C8orf34: variants seen among roughly 807,000 people sequenced by gnomAD.
C8orf34 encodes uncharacterized protein C8orf34.
C8orf34 carries 65 observed loss-of-function variants against 68.3 expected under a neutral mutation model. The ratio of observed to expected loss-of-function variants is 0.95; its 90% CI spans 0.78 to 1.17. The LOEUF (loss-of-function observed/expected upper bound fraction) is 1.17, where lower values mean the gene tolerates loss of function less well. C8orf34 is among the 50% of genes most tolerant of loss of function. The probability of loss-of-function intolerance (pLI) is 0.00; values close to 1 mark genes in which losing one functional copy is unlikely to be tolerated. For synonymous variants in C8orf34, 244 were observed against 241.2 expected (o/e 1.01, Z -0.11); for missense variants, 664 against 655.4 (o/e 1.01, Z -0.14).
intron 10 of C8orf34, among the ~76,000 whole-genome samples, chr8:68,724,759 T>G (rs1821778657): frequency 6.6e-6 from 1 of 152,240 alleles, no homozygotes; most frequent in South Asian, 2.1e-4. Flanking sequence ...CAGGTATTGA[T>G]TATGACCTCT....
intron 1 of C8orf34, among the ~76,000 whole-genome samples, chr8:68,373,904 C>A (rs990236242): frequency 3.9e-5 from 6 of 152,006 alleles, no homozygotes; most frequent in African/African-American, 1.4e-4. Flanking sequence ...TAGTTCTTTC[C>A]TTTCTTATGT....
intron 8 of C8orf34, among the ~76,000 whole-genome samples, chr8:68,667,445 T>G (rs1360748727): frequency 6.6e-6 from 1 of 152,206 alleles, no homozygotes; most frequent in African/African-American, 2.4e-5. Flanking sequence ...CAGATTGTTT[T>G]TCACTTCTGT....
intron 6 of C8orf34, among the ~76,000 whole-genome samples, chr8:68,529,083 T>A (rs1425416732): frequency 6.6e-6 from 1 of 152,212 alleles, no homozygotes; most frequent in African/African-American, 2.4e-5. Context: ...GAAAGTACGA[T>A]GGAACTTCTC....
intron 1 of C8orf34, among the ~76,000 whole-genome samples, chr8:68,353,446 T>G (rs1806604333): frequency 6.6e-6 from 1 of 151,616 alleles, no homozygotes; most frequent in Non-Finnish European, 1.5e-5. Flanking sequence ...CATTATTATT[T>G]ATATATTTTT....
At chr8:68,393,921 G>A (rs1586044651) in intron 1 of C8orf34, among the ~76,000 whole-genome samples, 1 of 152,026 alleles carries the variant, frequency 6.6e-6, no homozygotes, top group East Asian at 1.9e-4. Flanking sequence ...AGATGATGGT[G>A]GCTGAGACCA....
intron 6 of C8orf34, 107 bp downstream of exon 6, chr8:68,522,078 A>G: frequency 1.0e-6 from 1 of 1,003,350 alleles, no homozygotes; most frequent in Non-Finnish European, 1.4e-6. Context: ...GTAATTTTTT[A>G]TAGAAAATTA....
intron 11 of C8orf34, among the ~76,000 whole-genome samples, chr8:68,782,672 C>T (rs200612943): frequency 6.6e-6 from 1 of 152,160 alleles, no homozygotes; most frequent in East Asian, 1.9e-4. Context: ...CCCATCTCTC[C>T]TATGATAGGA....
rs138708726 is a variant in C8orf34 at position 68,412,101 on chromosome 8, T to C, written c.328-27398T>C. On this transcript the variant is annotated intron_variant, in intron 1 of 13. Coordinates refer to ENST00000518698, the MANE Select transcript of C8orf34 (RefSeq NM_052958.4). ...CCAGACACTGAACTTGCTGGCGCCT[T>C]GATCTTGGACTTCTCAGCCTCCAGA... 5.5e-3 allele frequency among the ~76,000 whole-genome samples: 831 copies of C among 152,286 alleles called. 7 individuals are homozygous for C. Among genetic ancestry groups the C allele is most frequent in the African/African-American group, 0.018 (734 of 41,564 alleles).
chr8:68,417,314 T>C (rs1809715480), intron 1 of C8orf34, among the ~76,000 whole-genome samples: 1 of 152,116 alleles, frequency 6.6e-6, no homozygotes, highest in Non-Finnish European at 1.5e-5. Flanking sequence ...ATTCTACAAA[T>C]ATATTGGCAC....
chr8:68,626,437 A>T (rs1818540412), intron 7 of C8orf34, among the ~76,000 whole-genome samples: 2 of 152,220 alleles, frequency 1.3e-5, no homozygotes, highest in Non-Finnish European at 2.9e-5. Context: ...CTAATGACAA[A>T]TTTAGAGCGT....
At chr8:68,554,774 T>C (rs1400083147) in intron 7 of C8orf34, among the ~76,000 whole-genome samples, 9 of 152,156 alleles carry the variant, frequency 5.9e-5, no homozygotes, top group Admixed American at 5.9e-4. Flanking sequence ...TGTCTAGTCA[T>C]TGGCAGATCT....
chr8:68,581,822 C>A (rs1207607430), intron 7 of C8orf34, among the ~76,000 whole-genome samples: 1 of 152,080 alleles, frequency 6.6e-6, no homozygotes, highest in Non-Finnish European at 1.5e-5. Flanking sequence ...TCTCACCTTC[C>A]AAATTTCTTG....
In C8orf34 at chr8:68,488,041, A is replaced by C. The variant is rs754724570; in HGVS notation, c.755A>C (p.Glu252Ala). Reference protein sequence around the residue: ...NLSRSIAISDELDKETVTFNS... With the variant: ...NLSRSIAISDALDKETVTFNS... Reference sequence around the variant, plus strand: ...ATCCCAGGTATTGCAATTTCAGATGAACTCGATAAGGTAAGTTGAACTATA... The same window carrying C: ...ATCCCAGGTATTGCAATTTCAGATGCACTCGATAAGGTAAGTTGAACTATA... Residue 252 changes from glutamate (E) to alanine (A), a missense_variant, in exon 5 of 14, where the codon GAA becomes GCA. By Grantham distance (107) the Glu-to-Ala change is moderately radical. Coordinates refer to ENST00000518698, the MANE Select transcript of C8orf34 (RefSeq NM_052958.4). 19 of 1,592,698 alleles carry C rather than the reference A, an allele frequency of 1.2e-5. No individual in the cohort carries two copies. Among genetic ancestry groups the C allele is most frequent in the Admixed American group, 1.8e-5 (1 of 56,576 alleles).
Position 68,673,705 on chromosome 8 carries a change from A to G in C8orf34, c.1241+33194A>G, listed in dbSNP as rs145763845. On this transcript the variant is annotated intron_variant, in intron 8 of 13. Transcript: ENST00000518698. ...GTGGATCCTCATGGGACTGGCAGTAACTCATCACCCTAAAGGGAAGGACAC... is the reference window on the plus strand; with the variant it reads ...GTGGATCCTCATGGGACTGGCAGTAGCTCATCACCCTAAAGGGAAGGACAC... Among the ~76,000 whole-genome samples, 816 of 152,150 alleles carry G rather than the reference A, an allele frequency of 5.4e-3. 10 individuals are homozygous for G. Among genetic ancestry groups the G allele is most frequent in the African/African-American group, 0.019 (784 of 41,512 alleles).
Position 68,489,921 on chromosome 8 carries a change from C to T in C8orf34, c.765+1870C>T, listed in dbSNP as rs770966676. Among the ~76,000 whole-genome samples the T allele has an allele frequency of 4.6e-5, 7 of 152,128 alleles. No individual in the cohort carries two copies. In the East Asian group the frequency reaches 1.3e-3, roughly 29 times the overall value. On this transcript the variant is annotated intron_variant, in intron 5 of 13. Coordinates refer to ENST00000518698, the MANE Select transcript of C8orf34 (RefSeq NM_052958.4). Reference sequence around the variant, plus strand: ...TGAATATATTCTTAAATATCTATTTCCTTTAATAAACAAACCATCATAATA... The same window carrying T: ...TGAATATATTCTTAAATATCTATTTTCTTTAATAAACAAACCATCATAATA...
intron 12 of C8orf34, chr8:68,791,013 A>G (rs941265575): frequency 5.0e-6 from 3 of 597,588 alleles, no homozygotes; most frequent in Non-Finnish European, 8.8e-6. Flanking sequence ...ATCTATAAAT[A>G]AGTTTGAATA....
rs912632376 is a variant in C8orf34, at chr8:68,429,581, G to C, written c.328-9918G>C. ...TGTGCACACAAGACTGATCATAGCA[G>C]CCCTATTCACAATTACCAAGAAATG... On this transcript the variant is annotated intron_variant, in intron 1 of 13. Transcript: ENST00000518698. Among the ~76,000 whole-genome samples, 5 of 152,214 alleles carry C rather than the reference G, an allele frequency of 3.3e-5. 1 individual carries two copies. In the Middle Eastern group the frequency reaches 9.5e-3, roughly 289 times the overall value.
intron 10 of C8orf34, among the ~76,000 whole-genome samples, chr8:68,772,100 T>C (rs1823356778): frequency 1.3e-5 from 2 of 152,196 alleles, no homozygotes; most frequent in Admixed American, 6.6e-5. Flanking sequence ...CCTCAGGTAG[T>C]TCTTAAGAGA....
chr8:68,705,048 ATTTCT>A, intron 8 of C8orf34, among the ~76,000 whole-genome samples: 2 of 152,290 alleles, frequency 1.3e-5, no homozygotes, highest in Middle Eastern at 6.8e-3. Context: ...GATTCGAGAC[ATTTCT>A]TTAAGAAGTA....
Sources: allele counts gnomAD v4.1 joint callset (sites outside exome capture counted in the v4.1 genomes callset), GRCh38; gene constraint gnomAD v4.1.1; transcripts MANE v1.5; gene names NCBI Gene and HGNC (gene_info 2026-07-23, HGNC 2026-07-21).